Variants in IFT140 observed in about 807,000 individuals in gnomAD.
IFT140 encodes intraflagellar transport 140.
In IFT140, 133 loss-of-function variants were observed where a neutral mutation model predicts 164.6. The observed-to-expected ratio is 0.81, with a 90% CI of 0.70 to 0.93. IFT140 has a LOEUF of 0.93. IFT140 is among the 40% of genes least tolerant of loss of function. IFT140 has a pLI of 0.00. For synonymous variants in IFT140, 860 were observed against 817.3 expected, an observed-to-expected ratio of 1.05 and a Z score of -0.89; for missense variants, 2,045 against 1,972.3, an observed-to-expected ratio of 1.04 and a Z score of -0.70.
At chr16:1,513,711 T>C (rs1219800601) in intron 30 of IFT140, among the ~76,000 whole-genome samples, 2 of 149,996 alleles carry the variant, frequency 1.3e-5, no homozygotes, top group African/African-American at 4.9e-5. Context: ...TCTTGCTGTG[T>C]CGCCCAGGCT....
intron 18 of IFT140, among the ~76,000 whole-genome samples, chr16:1,561,341 C>T (rs1182767957): frequency 1.3e-5 from 2 of 152,202 alleles, no homozygotes; most frequent in Non-Finnish European, 2.9e-5. Context: ...GGGACCAAGT[C>T]GCAGAGAAGG....
Position 1,544,855 on chromosome 16 carries a change from A to G in IFT140, c.2399+13080T>C, listed in dbSNP as rs1245131430. Among the ~76,000 whole-genome samples, 9 of 148,272 alleles carry G rather than the reference A, an allele frequency of 6.1e-5. No individual in the cohort carries two copies. In the East Asian group the frequency reaches 1.7e-3, roughly 27 times the overall value. ...AGTAGAGACGGGGTTTCACCGTGTT[A>G]GCCAGGATGGTCTCGATCTCCTGAC... On this transcript the variant is annotated intron_variant, in intron 19 of 30. Transcript: ENST00000426508.
At chr16:1,584,152 G>A in intron 11 of IFT140, 65 bp downstream of exon 11, 1 of 1,472,812 alleles carries the variant, frequency 6.8e-7, no homozygotes, top group Non-Finnish European at 9.3e-7. Flanking sequence ...TTGCTGCCCT[G>A]AACTACCTGG....
rs187523157 is a variant in IFT140, at chr16:1,563,226, C to G, written c.2067+771G>C. Reference sequence around the variant, plus strand: ...GGAGATGCCACCTGGACGTGTCCTCCCGCTCAGCGCCTGAGAACCAAGGGT... The same window carrying G: ...GGAGATGCCACCTGGACGTGTCCTCGCGCTCAGCGCCTGAGAACCAAGGGT... On this transcript the variant is annotated intron_variant, in intron 17 of 30. Coordinates refer to ENST00000426508, the MANE Select transcript of IFT140 (RefSeq NM_014714.4). Among the ~76,000 whole-genome samples, 379 of 152,134 alleles carry G rather than the reference C, an allele frequency of 2.5e-3. 1 individual carries two copies. The highest frequency in any genetic ancestry group is 8.5e-3 in the African/African-American group (351 of 41,534).
chr16:1,551,477 G>A lies in IFT140; in HGVS notation c.2399+6458C>T, dbSNP rs2032631756. 6.6e-6 allele frequency among the ~76,000 whole-genome samples: 1 copy of A among 152,200 alleles called. No homozygotes were observed. Among genetic ancestry groups the A allele is most frequent in the African/African-American group, 2.4e-5 (1 of 41,440 alleles). On this transcript the variant is annotated intron_variant, in intron 19 of 30. Coordinates refer to ENST00000426508, the MANE Select transcript of IFT140 (RefSeq NM_014714.4). The surrounding 1 kb of genome is among the most constrained non-coding windows in gnomAD (Gnocchi z 4.0). ...GCAGAAGGGCGGCCGCAGGTAGCAGGGGAGACCCTAAGGCGATGGGAGCCA... is the reference window on the plus strand; with the variant it reads ...GCAGAAGGGCGGCCGCAGGTAGCAGAGGAGACCCTAAGGCGATGGGAGCCA...
intron 16 of IFT140, among the ~76,000 whole-genome samples, chr16:1,565,656 C>A (rs1256645170): frequency 2.6e-5 from 4 of 152,354 alleles, no homozygotes; most frequent in East Asian, 3.9e-4. Context: ...AGCTCCGTGG[C>A]CCACTTTGCT....
At chr16:1,548,368 G>A (rs577821302) in intron 19 of IFT140, among the ~76,000 whole-genome samples, 1 of 152,334 alleles carries the variant, frequency 6.6e-6, no homozygotes, top group South Asian at 2.1e-4. Context: ...AGAAGCTGAA[G>A]CCCCAAGAAG....
chr16:1,535,134 C>G (rs946784258), intron 19 of IFT140, among the ~76,000 whole-genome samples: 2 of 152,084 alleles, frequency 1.3e-5, no homozygotes, highest in African/African-American at 4.8e-5. Flanking sequence ...TGGCTTTGTT[C>G]TCACGGTTGT....
chr16:1,540,842 A>C (rs1011748334), intron 19 of IFT140: 14 of 985,476 alleles, frequency 1.4e-5, no homozygotes, highest in Non-Finnish European at 1.7e-5. Flanking sequence ...AAAACAAGGC[A>C]TGGCGATGAC....
At chr16:1,543,736 A>G (rs1373640162) in intron 19 of IFT140, among the ~76,000 whole-genome samples, 4 of 152,208 alleles carry the variant, frequency 2.6e-5, no homozygotes, top group Non-Finnish European at 4.4e-5. Context: ...GAGACTCTCA[A>G]CGAGGTACCC....
chr16:1,528,998 G>A lies in IFT140; in HGVS notation c.2400-2202C>T, dbSNP rs138773419. Reference sequence around the variant, plus strand: ...GCAATGGCTCCGAGATGGTAGCCCCGGGCAGGCTCGGTGCACTTGTGTCTG... The same window carrying A: ...GCAATGGCTCCGAGATGGTAGCCCCAGGCAGGCTCGGTGCACTTGTGTCTG... On this transcript the variant is annotated intron_variant, in intron 19 of 30. Coordinates refer to ENST00000426508, the MANE Select transcript of IFT140 (RefSeq NM_014714.4). 6.6e-3 allele frequency among the ~76,000 whole-genome samples: 1,003 copies of A among 152,256 alleles called. 10 individuals are homozygous for A. Among genetic ancestry groups the A allele is most frequent in the Non-Finnish European group, 7.8e-3 (530 of 68,014 alleles).
rs1334470689 is a variant in IFT140, at chr16:1,589,646, A to T, written c.769T>A (p.Tyr257Asn). The T allele has an allele frequency of 5.0e-6, 8 of 1,614,142 alleles. No individual in the cohort carries two copies. In the South Asian group the frequency reaches 8.8e-5, roughly 18 times the overall value. ...VVTENLRLSL[Y>N]TVPPEGKAEE... ...GCTTTGCCCTCAGGAGGCACCGTGT[A>T]CAGGGACAGCCGGAGGTTCTCTGTG... The change falls in exon 7 of 31, where the codon TAC (tyrosine) becomes AAC (asparagine). Residue 257 changes from tyrosine (Y) to asparagine (N), a missense_variant. Tyr to Asn is a moderately radical substitution (Grantham distance 143). Coordinates refer to ENST00000426508, the MANE Select transcript of IFT140 (RefSeq NM_014714.4).
At chr16:1,540,187 A>G (rs2031497062) in intron 19 of IFT140, among the ~76,000 whole-genome samples, 1 of 152,210 alleles carries the variant, frequency 6.6e-6, no homozygotes, top group Non-Finnish European at 1.5e-5. Context: ...TGAGCGCTGG[A>G]GCAGCACCCA....
rs772671097 is a variant in IFT140, at chr16:1,526,049, C to T, written c.2606G>A (p.Cys869Tyr). The T allele has an allele frequency of 1.9e-6, 3 of 1,598,122 alleles. No individual in the cohort carries two copies. The highest frequency in any genetic ancestry group is 2.6e-6 in the Non-Finnish European group (3 of 1,172,742). ...CTTGTTCAGGAGGTCGTGGCGCTTG[C>T]ACTTCCTGTACAGCTGCTCGGCGTC... ...LEDAEQLYRK[C>Y]KRHDLLNKFY... Residue 869 changes from cysteine to tyrosine, a missense_variant, in exon 21 of 31, where the codon TGC (cysteine) becomes TAC (tyrosine). Cys to Tyr is a radical substitution (Grantham distance 194). Transcript: ENST00000426508.
chr16:1,571,624 A>G, intron 13 of IFT140, 90 bp from the exon 14 acceptor site: 4 of 1,328,706 alleles, frequency 3.0e-6, no homozygotes, highest in Non-Finnish European at 4.2e-6. Flanking sequence ...AAATGGATAT[A>G]TTTCATGTGA....
chr16:1,563,930 G>T, intron 17 of IFT140, 67 bp downstream of exon 17: 1 of 1,438,934 alleles, frequency 6.9e-7, no homozygotes, highest in East Asian at 2.5e-5. Flanking sequence ...CCCAGCCCAT[G>T]AAGATCTTAA....
intron 29 of IFT140, 27 bp downstream of exon 29, chr16:1,519,854 C>T: frequency 2.6e-6 from 4 of 1,515,264 alleles, no homozygotes; most frequent in Non-Finnish European, 3.5e-6. Context: ...CTGCCCTGGC[C>T]TGTCCCCGCT....
rs140443906 is a variant in IFT140, at chr16:1,520,036, A to G, written c.3885T>C (p.Asp1295=). 22 of 1,600,498 alleles carry G rather than the reference A, an allele frequency of 1.4e-5. No homozygotes were observed. Among genetic ancestry groups the G allele is most frequent in the African/African-American group, 2.7e-5 (2 of 74,210 alleles). Residue 1295 remains aspartate, a synonymous_variant, in exon 29 of 31, where the codon GAT becomes GAC. Coordinates refer to ENST00000426508, the MANE Select transcript of IFT140 (RefSeq NM_014714.4). ...FYDACAQVEI[D]EYQNYDKAHG... ...GGGCTTTGTCGTAGTTCTGGTATTC[A>G]TCAATCTCCACCTGTACAGATGAAA...
chr16:1,606,061 G>A (rs944021979), intron 3 of IFT140, among the ~76,000 whole-genome samples: 2 of 152,216 alleles, frequency 1.3e-5, no homozygotes, highest in Admixed American at 1.3e-4. Flanking sequence ...AACAGCAGGA[G>A]CAGGACAGCA....
Sources: gnomAD v4.1 joint callset for allele counts (sites outside exome capture counted in the v4.1 genomes callset) on GRCh38, gnomAD v4.1.1 for gene constraint, Gnocchi (gnomAD v3.1) non-coding constraint, MANE v1.5 for transcripts, NCBI Gene and HGNC (gene_info 2026-07-23, HGNC 2026-07-21) for gene names.